NCR2: variants seen among roughly 807,000 people sequenced by gnomAD.
NCR2 encodes the protein NK cell activating receptor (NKp44).
In NCR2, 35 loss-of-function variants were observed where a neutral mutation model predicts 30.7. The ratio of observed to expected loss-of-function variants is 1.14; its 90% CI spans 0.87 to 1.51. NCR2 has a LOEUF of 1.51. NCR2 is among the 40% of genes most tolerant of loss of function. The pLI, the probability that NCR2 is intolerant of heterozygous loss-of-function variation, is 0.00. For synonymous variants in NCR2, 146 were observed against 134.8 expected (o/e 1.08, Z -0.58); for missense variants, 316 against 328.9 (o/e 0.96, Z 0.30).
chr6:41,350,860 T>C lies in NCR2; in HGVS notation c.827T>C (p.Leu276Ser), dbSNP rs146401483. 9.6e-6 allele frequency: 8 copies of C among 833,134 alleles called. No homozygotes were observed. Among genetic ancestry groups the C allele is most frequent in the Non-Finnish European group, 1.7e-5 (8 of 479,808 alleles). 51.6% of individuals were successfully genotyped at this position (833,134 alleles called of 1,614,324 possible). Residue 276 changes from leucine (L) to serine (S), a missense_variant, in exon 5 of 5, where the codon TTG (leucine) becomes TCG (serine). Coordinates refer to ENST00000373089, the MANE Select transcript of NCR2 (RefSeq NM_004828.4). ...AGCGATGATGATGATGAACACACTT[T>C]GTGAATAATAAAATTATCTGAATGT... ...KISDDDDEHT[L>S]
chr6:41,343,918 G>T (rs34512993), intron 4 of NCR2, among the ~76,000 whole-genome samples: 90,419 of 151,748 alleles, frequency 0.6, 28,465 homozygotes, highest in Admixed American at 0.71. Context: ...TTATTACTCT[G>T]ATTTAACACC....
At chr6:41,350,035 A>G (rs1769391992) in intron 4 of NCR2, among the ~76,000 whole-genome samples, 1 of 152,158 alleles carries the variant, frequency 6.6e-6, no homozygotes, top group Non-Finnish European at 1.5e-5. Flanking sequence ...GACATTTTCT[A>G]CTTTCCACAT....
intron 2 of NCR2, among the ~76,000 whole-genome samples, chr6:41,341,536 C>A (rs1769167293): frequency 6.6e-6 from 1 of 152,136 alleles, no homozygotes; most frequent in Non-Finnish European, 1.5e-5. Flanking sequence ...GACTCGAGTG[C>A]CTCCTGAGTC....
chr6:41,338,815 T>C (rs1205971703), intron 2 of NCR2, among the ~76,000 whole-genome samples: 1 of 152,208 alleles, frequency 6.6e-6, no homozygotes, highest in Non-Finnish European at 1.5e-5. Context: ...GATATCAAGC[T>C]CCCTTCTTTG....
At chr6:41,344,732 A>T (rs1355984689) in intron 4 of NCR2, among the ~76,000 whole-genome samples, 1 of 152,158 alleles carries the variant, frequency 6.6e-6, no homozygotes, top group African/African-American at 2.4e-5. Context: ...TGCCCATCAT[A>T]TCTTTTATTT....
intron 4 of NCR2, among the ~76,000 whole-genome samples, chr6:41,347,923 C>A (rs1561944914): frequency 6.6e-6 from 1 of 152,158 alleles, no homozygotes. Context: ...GCCATGTGAG[C>A]CTTTCTTCAC....
At position 41,336,206 on chromosome 6, in the gene NCR2, G is replaced by T. The variant is rs552171330; in HGVS notation, c.172G>T (p.Ala58Ser). Residue 58 changes from alanine to serine, a missense_variant, in exon 2 of 5, where the codon GCT becomes TCT. Transcript: ENST00000373089. ...CGAGAAGAAAGGCTGGTGTAAGGAG[G>T]CTTCAGCACTTGTGTGCATCAGGTT... ...LYEKKGWCKE[A>S]SALVCIRLVT... is the part of the protein sequence containing the mutation. The T allele has an allele frequency of 5.6e-6, 9 of 1,614,054 alleles. No individual in the cohort carries two copies. The African/African-American group carries it at 8.0e-5, about 14-fold the overall frequency.
At chr6:41,344,375 G>C (rs1052940514) in intron 4 of NCR2, among the ~76,000 whole-genome samples, 2 of 152,122 alleles carry the variant, frequency 1.3e-5, no homozygotes, top group African/African-American at 4.8e-5. Flanking sequence ...TCCGTGCCTT[G>C]CCCCAGGCCT....
rs148848362 is a variant in NCR2 at position 41,342,124 on chromosome 6, G to T, written c.619G>T (p.Val207Leu). 7 of 1,613,264 alleles carry T rather than the reference G, an allele frequency of 4.3e-6. No homozygotes were observed. The African/African-American group carries it at 9.3e-5, about 22-fold the overall frequency. ...FCGLLVAKSL[V>L]LSALLVWWGD... ...TGGACTCCTCGTAGCCAAGAGCCTGGTGCTGTCAGCCCTGCTCGTCTGGTG... is the reference window on the plus strand; with the variant it reads ...TGGACTCCTCGTAGCCAAGAGCCTGTTGCTGTCAGCCCTGCTCGTCTGGTG... Residue 207 changes from valine to leucine, a missense_variant, in exon 4 of 5, where the codon GTG becomes TTG. Val to Leu is a conservative substitution (Grantham distance 32). Transcript: ENST00000373089.
intron 4 of NCR2, among the ~76,000 whole-genome samples, chr6:41,344,375 GC>G (rs1220429537): frequency 6.6e-6 from 1 of 152,122 alleles, no homozygotes; most frequent in African/African-American, 2.4e-5. Context: ...TCCGTGCCTT[GC>G]CCCAGGCCTG....
chr6:41,345,180 A>G (rs1281622838), intron 4 of NCR2, among the ~76,000 whole-genome samples: 1 of 152,156 alleles, frequency 6.6e-6, no homozygotes, highest in Non-Finnish European at 1.5e-5. Context: ...GTCTCACGGA[A>G]GCCAGAGAAT....
intron 4 of NCR2, among the ~76,000 whole-genome samples, chr6:41,345,854 G>A (rs1363459624): frequency 6.6e-6 from 1 of 152,124 alleles, no homozygotes. Context: ...TTCTCTGAAC[G>A]TCACCGCGGT....
chr6:41,348,999 A>G (rs1007486314), intron 4 of NCR2, among the ~76,000 whole-genome samples: 1 of 150,828 alleles, frequency 6.6e-6, no homozygotes, highest in Non-Finnish European at 1.5e-5. Context: ...TTTGCCTGAG[A>G]CACTATGTGA....
At chr6:41,345,758 C>T (rs907423314) in intron 4 of NCR2, among the ~76,000 whole-genome samples, 2 of 152,158 alleles carry the variant, frequency 1.3e-5, no homozygotes, top group African/African-American at 4.8e-5. Context: ...ACATTAGCCC[C>T]AATTCCCACT....
chr6:41,338,776 T>C (rs891518012), intron 2 of NCR2, among the ~76,000 whole-genome samples: 12 of 152,236 alleles, frequency 7.9e-5, no homozygotes, highest in Admixed American at 7.9e-4. Flanking sequence ...AATTCCTGAA[T>C]ATGTTGACCT....
At chr6:41,347,285 T>C (rs1769324655) in intron 4 of NCR2, among the ~76,000 whole-genome samples, 1 of 152,216 alleles carries the variant, frequency 6.6e-6, no homozygotes, top group Non-Finnish European at 1.5e-5. Context: ...TTGTATGTCA[T>C]GACCATCAGA....
intron 2 of NCR2, among the ~76,000 whole-genome samples, chr6:41,340,137 T>C (rs537540968): frequency 2.1e-5 from 3 of 145,396 alleles, no homozygotes; most frequent in Non-Finnish European, 3.0e-5. Context: ...TTTTGGGCTA[T>C]AGCTAACAAC....
intron 2 of NCR2, among the ~76,000 whole-genome samples, chr6:41,337,212 A>G (rs1232265793): frequency 6.6e-6 from 1 of 152,236 alleles, no homozygotes; most frequent in African/African-American, 2.4e-5. Context: ...TACTAGAAAA[A>G]TAAGAAAAAG....
intron 4 of NCR2, among the ~76,000 whole-genome samples, chr6:41,349,818 C>A (rs1477731299): frequency 2.0e-5 from 3 of 152,314 alleles, no homozygotes; most frequent in Non-Finnish European, 4.4e-5. Context: ...TATTCCTGAA[C>A]GTGCCCTGGA....
Sources: gnomAD v4.1 joint callset for allele counts (sites outside exome capture counted in the v4.1 genomes callset) on GRCh38, gnomAD v4.1.1 for gene constraint, MANE v1.5 for transcripts, NCBI Gene and HGNC (gene_info 2026-07-23, HGNC 2026-07-21) for gene names.